SLC25A31: variants seen among roughly 807,000 people sequenced by gnomAD.
SLC25A31 encodes the protein ADP/ATP translocase 4.
In SLC25A31, 40 loss-of-function variants were observed where a neutral mutation model predicts 36.2. The ratio of observed to expected loss-of-function variants is 1.10; its 90% CI spans 0.86 to 1.44. SLC25A31 has a LOEUF of 1.44. Among genes scored for constraint, SLC25A31 ranks in the 40% most tolerant of loss-of-function variants. The pLI, the probability that SLC25A31 is intolerant of heterozygous loss-of-function variation, is 0.00. For missense variants in SLC25A31, 350 were observed against 397.1 expected, an observed-to-expected ratio of 0.88 and a Z score of 1.01; for synonymous variants, 143 against 149.7, an observed-to-expected ratio of 0.96 and a Z score of 0.32.
chr4:127,731,077 G>A (rs1731516154), intron 1 of SLC25A31, among the ~76,000 whole-genome samples: 2 of 152,224 alleles, frequency 1.3e-5, no homozygotes, highest in African/African-American at 4.8e-5. Context: ...AAGGAGAGTG[G>A]TTGACCTCCC....
At chr4:127,735,142 A>G (rs1731599806) in intron 1 of SLC25A31, among the ~76,000 whole-genome samples, 1 of 152,244 alleles carries the variant, frequency 6.6e-6, no homozygotes, top group Admixed American at 6.5e-5. Context: ...ATTTACTCCA[A>G]GAAATGGCGT....
intron 1 of SLC25A31, among the ~76,000 whole-genome samples, chr4:127,737,627 T>C (rs1046543873): frequency 6.6e-6 from 1 of 152,136 alleles, no homozygotes. Context: ...AATCGTGACT[T>C]AACTGCAGCC....
rs191177457 is a variant in SLC25A31, at chr4:127,730,441, C to A, written c.-105C>A. On this transcript the variant is annotated 5_prime_UTR_variant, in exon 1 of 6. Coordinates refer to ENST00000281154, the MANE Select transcript of SLC25A31 (RefSeq NM_031291.4). The stretch of plus-strand genomic sequence containing the variant: ...CTCAGCGTCCCAAGAGCCACTTTCT[C>A]GCCAGTACGATGCTGCAGCGGTTTT... 4.8e-6 allele frequency: 6 copies of A among 1,245,478 alleles called. No homozygotes were observed. Among genetic ancestry groups the A allele is most frequent in the East Asian group, 2.5e-5 (1 of 39,950 alleles). The allele number at this position is 1,245,478 out of a possible 1,614,324, so 77.2% of individuals were successfully genotyped here.
chr4:127,748,551 G>T (rs866238912), intron 2 of SLC25A31, among the ~76,000 whole-genome samples: 5 of 152,122 alleles, frequency 3.3e-5, no homozygotes, highest in Non-Finnish European at 7.4e-5. Flanking sequence ...TCAATGAAAC[G>T]TGCAGGCCCT....
intron 1 of SLC25A31, among the ~76,000 whole-genome samples, chr4:127,741,373 A>G (rs1276750801): frequency 6.6e-6 from 1 of 152,106 alleles, no homozygotes; most frequent in African/African-American, 2.4e-5. Context: ...TATGGCCTTT[A>G]TTATGTTGTA....
rs142451744 is a variant in SLC25A31, at chr4:127,749,756, C to A, written c.360+4957C>A. ...GGTACAGTGACTCACTCCTGTTATCCCAGATCCTGAGGAGGCTGGGATAAC... is the reference window on the plus strand; with the variant it reads ...GGTACAGTGACTCACTCCTGTTATCACAGATCCTGAGGAGGCTGGGATAAC... On this transcript the variant is annotated intron_variant, in intron 2 of 5. Coordinates refer to ENST00000281154, the MANE Select transcript of SLC25A31 (RefSeq NM_031291.4). Among the ~76,000 whole-genome samples, 324 of 151,138 alleles carry A rather than the reference C, an allele frequency of 2.1e-3. 8 individuals are homozygous for A. The East Asian group carries it at 0.042, about 19-fold the overall frequency.
At chr4:127,739,457 G>A (rs1370028027) in intron 1 of SLC25A31, among the ~76,000 whole-genome samples, 1 of 152,116 alleles carries the variant, frequency 6.6e-6, no homozygotes, top group Non-Finnish European at 1.5e-5. Flanking sequence ...TGCTGAGAAG[G>A]CTACTGTTAG....
rs1732161531 is a variant in SLC25A31 at position 127,762,618 on chromosome 4, T to C, written c.361-1625T>C. ...CTGTTAAGGAAAAATAATGCTGGCC[T>C]CAAGAAATTTATAGTCTGGGCCGGG... On this transcript the variant is annotated intron_variant, in intron 2 of 5. Transcript: ENST00000281154. 2.0e-5 allele frequency among the ~76,000 whole-genome samples: 3 copies of C among 152,042 alleles called. No individual in the cohort carries two copies. The South Asian group carries it at 6.2e-4, about 32-fold the overall frequency.
intron 2 of SLC25A31, among the ~76,000 whole-genome samples, chr4:127,755,885 T>C (rs999627103): frequency 6.6e-6 from 1 of 152,060 alleles, no homozygotes; most frequent in African/African-American, 2.4e-5. Context: ...ATACAAAAAT[T>C]AGCTGAGCGT....
chr4:127,744,483 T>C (rs1159907802), intron 1 of SLC25A31, among the ~76,000 whole-genome samples, 189 bp from the exon 2 acceptor site: 1 of 152,188 alleles, frequency 6.6e-6, no homozygotes, highest in East Asian at 1.9e-4. Flanking sequence ...TTTTAAAAAA[T>C]GGAATGGGGT....
At chr4:127,747,536 T>C (rs1457369126) in intron 2 of SLC25A31, among the ~76,000 whole-genome samples, 13 of 152,168 alleles carry the variant, frequency 8.5e-5, no homozygotes, top group Non-Finnish European at 1.5e-5. Flanking sequence ...GGTATTTTAT[T>C]CTCTTTGTGA....
At chr4:127,749,770 G>A (rs911194027) in intron 2 of SLC25A31, among the ~76,000 whole-genome samples, 1 of 151,644 alleles carries the variant, frequency 6.6e-6, no homozygotes, top group African/African-American at 2.4e-5. Flanking sequence ...ATCCTGAGGA[G>A]GCTGGGATAA....
At chr4:127,758,104 G>A (rs577744624) in intron 2 of SLC25A31, among the ~76,000 whole-genome samples, 1 of 152,252 alleles carries the variant, frequency 6.6e-6, no homozygotes, top group South Asian at 2.1e-4. Flanking sequence ...TATCATAAGA[G>A]TAGCATAGGA....
rs542822232 is a variant in SLC25A31 at position 127,768,878 on chromosome 4, G to T, written c.759+1G>T. On this transcript the variant is annotated splice_donor_variant, in intron 5 of 5. Coordinates refer to ENST00000281154, the MANE Select transcript of SLC25A31 (RefSeq NM_031291.4). LOFTEE classifies it high-confidence loss of function. Reference sequence around the variant, plus strand: ...AGTTAGAAGACGTATGATGATGCAGGTATTTTATGTTATTGTTTCTAAGCT... The same window carrying T: ...AGTTAGAAGACGTATGATGATGCAGTTATTTTATGTTATTGTTTCTAAGCT... 3.8e-6 allele frequency: 6 copies of T among 1,581,980 alleles called. No individual in the cohort carries two copies. Among genetic ancestry groups the T allele is most frequent in the South Asian group, 1.2e-5 (1 of 82,984 alleles).
In SLC25A31 at chr4:127,730,779, T is replaced by G. The variant is rs1578651566; in HGVS notation, c.232+2T>G. ...TGGTGCGGATTCCTCGCGAGCAGGG[T>G]GCGTCAAGGCAGGCCGCCCCGACAG... On this transcript the variant is annotated splice_donor_variant, in intron 1 of 5. Transcript: ENST00000281154. LOFTEE classifies it high-confidence loss of function. The G allele has an allele frequency of 1.2e-6, 2 of 1,605,884 alleles. No homozygotes were observed. Among genetic ancestry groups the G allele is most frequent in the Non-Finnish European group, 8.5e-7 (1 of 1,174,418 alleles).
At chr4:127,730,992 C>T (rs902214563) in intron 1 of SLC25A31, among the ~76,000 whole-genome samples, 8 of 152,194 alleles carry the variant, frequency 5.3e-5, no homozygotes, top group African/African-American at 1.9e-4. Flanking sequence ...GTCCTGGTAC[C>T]GGGGAGACCA....
At position 127,770,949 on chromosome 4, in the gene SLC25A31, CTTTTTTT is replaced by C. The variant is rs558206857; in HGVS notation, c.759+2090_759+2096del. On this transcript the variant is annotated intron_variant, in intron 5 of 5. Coordinates refer to ENST00000281154, the MANE Select transcript of SLC25A31 (RefSeq NM_031291.4). ...GGGTTCCTCCTCTGTTCTTCTTCTT[CTTTTTTT>C]TTTTTTTTTTTTTTTTTGGAGATGG... Among the ~76,000 whole-genome samples the C allele has an allele frequency of 2.6e-3, 207 of 80,834 alleles. 1 individual carries two copies. The highest frequency in any genetic ancestry group is 0.011 in the African/African-American group (196 of 17,554). 53.0% of individuals were successfully genotyped at this position (80,834 alleles called of 152,430 possible).
At chr4:127,751,035 C>T (rs910453503) in intron 2 of SLC25A31, among the ~76,000 whole-genome samples, 1 of 152,134 alleles carries the variant, frequency 6.6e-6, no homozygotes. Flanking sequence ...CCCCATCAAG[C>T]TACCAATGAC....
chr4:127,738,649 T>C (rs1428571897), intron 1 of SLC25A31, among the ~76,000 whole-genome samples: 2 of 152,196 alleles, frequency 1.3e-5, no homozygotes, highest in Non-Finnish European at 2.9e-5. Flanking sequence ...GGAATTTAAG[T>C]CTAGAATTTC....
Sources: gnomAD v4.1 joint callset for allele counts (sites outside exome capture counted in the v4.1 genomes callset) on GRCh38, gnomAD v4.1.1 for gene constraint, MANE v1.5 for transcripts, NCBI Gene and HGNC (gene_info 2026-07-23, HGNC 2026-07-21) for gene names.